RAB27B: variants seen among roughly 807,000 people sequenced by gnomAD.
RAB27B encodes the protein ras-related protein Rab-27B.
In RAB27B, 15 loss-of-function variants were observed where a neutral mutation model predicts 24.6. The observed-to-expected ratio is 0.61, with a 90% CI of 0.41 to 0.94. The LOEUF is 0.94. Among genes scored for constraint, RAB27B ranks in the 40% least tolerant of loss-of-function variants. The pLI is 0.00. For synonymous variants in RAB27B, 105 were observed against 92.5 expected (o/e 1.14, Z -0.78); for missense variants, 261 against 266.8 (o/e 0.98, Z 0.15).
chr18:54,824,374 G>T (rs114477032), upstream of RAB27B, among the ~76,000 whole-genome samples: 125 of 152,298 alleles, frequency 8.2e-4, no homozygotes, highest in African/African-American at 2.8e-3. Context: ...TGATCTAACT[G>T]TGGTAACAAC....
At chr18:54,799,870 T>C (rs1219765036) in intron 2 of RAB27B, among the ~76,000 whole-genome samples, 4 of 152,070 alleles carry the variant, frequency 2.6e-5, no homozygotes, top group Non-Finnish European at 4.4e-5. Flanking sequence ...ATGGTCTTGA[T>C]CTCCTGACCT....
intron 3 of RAB27B, among the ~76,000 whole-genome samples, chr18:54,881,130 T>A (rs12970356): frequency 0.3 from 45,110 of 151,996 alleles, 6,826 homozygotes; most frequent in East Asian, 0.46. Flanking sequence ...TCTTCTGTGA[T>A]CCTAGTGTTC....
At chr18:54,806,068 T>C (rs1909782340) in intron 2 of RAB27B, among the ~76,000 whole-genome samples, 1 of 152,204 alleles carries the variant, frequency 6.6e-6, no homozygotes, top group South Asian at 2.1e-4. Flanking sequence ...ACTTAGTCCA[T>C]TTGATCTGCT....
At chr18:54,887,201 G>C (rs1026963079) in intron 4 of RAB27B, among the ~76,000 whole-genome samples, 4 of 151,264 alleles carry the variant, frequency 2.6e-5, no homozygotes, top group African/African-American at 7.3e-5. Context: ...CCACACTATA[G>C]ATCATCATTT....
At chr18:54,742,827 C>A (rs1446240438) in intron 2 of RAB27B, among the ~76,000 whole-genome samples, 1 of 152,138 alleles carries the variant, frequency 6.6e-6, no homozygotes, top group Admixed American at 6.5e-5. Context: ...TTGGCCATAT[C>A]CCAGGACCTT....
intron 2 of RAB27B, among the ~76,000 whole-genome samples, chr18:54,728,686 C>A (rs553181253): frequency 1.7e-4 from 26 of 151,742 alleles, no homozygotes; most frequent in African/African-American, 5.8e-4. Flanking sequence ...ACCAGCCTGG[C>A]CAACATGGCA....
chr18:54,720,680 T>C (rs1370257469), intron 2 of RAB27B, among the ~76,000 whole-genome samples: 6 of 152,114 alleles, frequency 3.9e-5, no homozygotes, highest in Non-Finnish European at 7.4e-5. Context: ...TAAGAAAATA[T>C]ATCTCCTAGT....
intron 2 of RAB27B, among the ~76,000 whole-genome samples, chr18:54,780,657 C>G (rs77349283): frequency 0.012 from 1,889 of 152,290 alleles, 34 homozygotes; most frequent in African/African-American, 0.042. Flanking sequence ...ATAACTACCT[C>G]TTTAAAGGTC....
At chr18:54,827,813 A>G (rs1328852943), upstream of RAB27B, among the ~76,000 whole-genome samples, 1 of 152,150 alleles carries the variant, frequency 6.6e-6, no homozygotes. Context: ...CTAAAATGGA[A>G]TCCCAAGATG....
chr18:54,803,900 A>G (rs1909687035), intron 2 of RAB27B, among the ~76,000 whole-genome samples: 1 of 152,156 alleles, frequency 6.6e-6, no homozygotes, highest in Admixed American at 6.5e-5. Context: ...GGTGAAATCA[A>G]TGATTAGGAA....
At chr18:54,850,658 G>A (rs1321666460) in intron 1 of RAB27B, among the ~76,000 whole-genome samples, 4 of 151,400 alleles carry the variant, frequency 2.6e-5, no homozygotes, top group Non-Finnish European at 5.9e-5. Context: ...GAGCCACCGT[G>A]CCTGGCTTCA....
intron 2 of RAB27B, among the ~76,000 whole-genome samples, chr18:54,779,265 A>G (rs1036429489): frequency 1.3e-5 from 2 of 152,250 alleles, no homozygotes; most frequent in African/African-American, 4.8e-5. Context: ...GAGCAATATA[A>G]GAATCAACCA....
intron 3 of RAB27B, among the ~76,000 whole-genome samples, chr18:54,883,361 CACAAAGGATCTAT>C (rs1347506792): frequency 2.0e-5 from 3 of 152,108 alleles, no homozygotes; most frequent in Non-Finnish European, 4.4e-5. Flanking sequence ...AGGAAACCAA[CACAAAGGATCTAT>C]AAAAAGGCTA....
At chr18:54,732,361 A>G (rs1319662014) in intron 2 of RAB27B, among the ~76,000 whole-genome samples, 1 of 152,144 alleles carries the variant, frequency 6.6e-6, no homozygotes, top group African/African-American at 2.4e-5. Context: ...CAAACTTTAC[A>G]GTTTTGGAAT....
At chr18:54,885,815 G>T (rs9646614) in intron 4 of RAB27B, 151,316 of 155,880 alleles carry the variant, frequency 0.97, 73,621 homozygotes, top group Non-Finnish European at 1. Flanking sequence ...GGAAGCATGT[G>T]GCTGGCATCT....
intron 1 of RAB27B, among the ~76,000 whole-genome samples, chr18:54,836,004 C>T (rs1036878895): frequency 2.0e-5 from 3 of 151,964 alleles, no homozygotes; most frequent in African/African-American, 7.3e-5. Flanking sequence ...TCTGTGATTA[C>T]AGAGCAGCTT....
In RAB27B at chr18:54,888,081, A is replaced by G; in HGVS notation, c.430A>G (p.Asn144Asp). Residue 144 changes from asparagine to aspartate, a missense_variant, in exon 5 of 6, where the codon AAT becomes GAT. By Grantham distance (23) the Asn-to-Asp change is conservative. Coordinates refer to ENST00000262094, the MANE Select transcript of RAB27B (RefSeq NM_004163.4). Reference protein sequence around the residue: ...KADLPDQREVNERQARELADK... With the variant: ...KADLPDQREVDERQARELADK... ...AGACCTACCAGATCAGAGGGAAGTC[A>G]ATGAACGGCAAGCTCGGGAACTGGC... The G allele has an allele frequency of 6.2e-7, 1 of 1,613,158 alleles. No homozygotes were observed.
chr18:54,839,543 G>T (rs184939013), intron 1 of RAB27B, among the ~76,000 whole-genome samples: 1 of 152,122 alleles, frequency 6.6e-6, no homozygotes, highest in African/African-American at 2.4e-5. Flanking sequence ...GGTAATGCAG[G>T]CAACAGTTAG....
At position 54,881,793 on chromosome 18, in the gene RAB27B, G is replaced by A. The variant is rs535689684; in HGVS notation, c.239+2339G>A. Among the ~76,000 whole-genome samples, 5 of 152,276 alleles carry A rather than the reference G, an allele frequency of 3.3e-5. No individual in the cohort carries two copies. In the South Asian group the frequency reaches 6.2e-4, roughly 19 times the overall value. ...TGTCTGTTACTGCTCTGGAACAAGC[G>A]TGTCCTATCCATCCTGCTGGGGAGG... On this transcript the variant is annotated intron_variant, in intron 3 of 5. Transcript: ENST00000262094.
Sources: allele counts gnomAD v4.1 joint callset (sites outside exome capture counted in the v4.1 genomes callset), GRCh38; gene constraint gnomAD v4.1.1; transcripts MANE v1.5; gene names NCBI Gene and HGNC (gene_info 2026-07-23, HGNC 2026-07-21).